The following LGSN variants were observed in gnomAD, a reference collection of about 807,000 sequenced individuals.
LGSN encodes the protein lengsin.
Under a neutral mutation model 19.5 loss-of-function variants are expected in LGSN, and 21 were observed. That is an observed-to-expected ratio of 1.07 (90% CI 0.76 to 1.55). LGSN has a LOEUF of 1.55. LGSN is among the 40% of genes most tolerant of loss of function. The pLI is 0.00. For missense variants in LGSN, 673 were observed against 608.5 expected (o/e 1.11, Z -1.12); for synonymous variants, 257 against 215.6 (o/e 1.19, Z -1.68).
the LGSN span, chr6:63,392,351 GC>G: frequency 3.3e-5 from 5 of 152,388 alleles, no homozygotes; most frequent in African/African-American, 1.2e-4. Context: ...CACAGCAGGG[GC>G]CCCTTCTGTA....
the LGSN span, among the ~76,000 whole-genome samples, chr6:63,361,563 C>T: frequency 1.3e-5 from 2 of 152,198 alleles, no homozygotes; most frequent in African/African-American, 4.8e-5. Flanking sequence ...TCACACCTTT[C>T]CTTGGCTAGG....
At chr6:63,356,081 C>T in the LGSN span, among the ~76,000 whole-genome samples, 1 of 152,152 alleles carries the variant, frequency 6.6e-6, no homozygotes, top group Non-Finnish European at 1.5e-5. Context: ...TTTATAAGGA[C>T]ACCGGTTATA....
At chr6:63,354,753 A>G in the LGSN span, among the ~76,000 whole-genome samples, 1 of 152,162 alleles carries the variant, frequency 6.6e-6, no homozygotes, top group South Asian at 2.1e-4. Flanking sequence ...TCAACAGATG[A>G]TTAAAGAAAA....
chr6:63,351,646 C>T, the LGSN span, among the ~76,000 whole-genome samples: 11 of 152,004 alleles, frequency 7.2e-5, no homozygotes, highest in African/African-American at 1.4e-4. Context: ...TTAGTAGAGA[C>T]GGGGTCTTCC....
the LGSN span, among the ~76,000 whole-genome samples, chr6:63,446,362 C>T: frequency 1.3e-5 from 2 of 151,268 alleles, no homozygotes; most frequent in African/African-American, 2.4e-5. Flanking sequence ...GTTTCTCAAA[C>T]ATACCAAGCA....
the LGSN span, among the ~76,000 whole-genome samples, chr6:63,372,634 A>G: frequency 2.6e-5 from 4 of 152,242 alleles, no homozygotes; most frequent in Non-Finnish European, 2.9e-5. Context: ...TTTAGAAAAT[A>G]TAAGAATACA....
chr6:63,338,190 C>T, the LGSN span, among the ~76,000 whole-genome samples: 32 of 152,232 alleles, frequency 2.1e-4, no homozygotes, highest in African/African-American at 7.0e-4. Flanking sequence ...CCAGCCAGAA[C>T]TCTGTAATAT....
chr6:63,456,795 G>T, the LGSN span, among the ~76,000 whole-genome samples: 1 of 152,064 alleles, frequency 6.6e-6, no homozygotes, highest in Non-Finnish European at 1.5e-5. Flanking sequence ...CATCAAAGCA[G>T]AGAAGGGAAG....
At chr6:63,383,371 TAC>T in the LGSN span, among the ~76,000 whole-genome samples, 18,065 of 138,276 alleles carry the variant, frequency 0.13, 2,068 homozygotes, top group African/African-American at 0.3. Flanking sequence ...AACCATTACT[TAC>T]ACACACACAC....
chr6:63,457,480 G>A, the LGSN span, among the ~76,000 whole-genome samples: 1 of 152,134 alleles, frequency 6.6e-6, no homozygotes, highest in Non-Finnish European at 1.5e-5. Flanking sequence ...ACTCCAGCCT[G>A]GGCAACAAAA....
At chr6:63,407,143 A>G in the LGSN span, among the ~76,000 whole-genome samples, 2 of 151,922 alleles carry the variant, frequency 1.3e-5, no homozygotes, top group African/African-American at 4.8e-5. Context: ...TATTCCAATC[A>G]ATAGAAAAAG....
chr6:63,343,092 C>A, the LGSN span, among the ~76,000 whole-genome samples: 5 of 152,100 alleles, frequency 3.3e-5, no homozygotes, highest in Admixed American at 6.6e-5. Flanking sequence ...TCCTTAATTG[C>A]AATAATGACT....
the LGSN span, among the ~76,000 whole-genome samples, chr6:63,386,356 A>G: frequency 6.6e-6 from 1 of 152,174 alleles, no homozygotes; most frequent in African/African-American, 2.4e-5. Flanking sequence ...GCCATTGAGA[A>G]TATCATTGAC....
the LGSN span, among the ~76,000 whole-genome samples, chr6:63,369,799 T>C: frequency 6.6e-6 from 1 of 151,914 alleles, no homozygotes; most frequent in Non-Finnish European, 1.5e-5. Flanking sequence ...AGCTCAGGAG[T>C]TGAGACTAGC....
chr6:63,515,234 T>C, the LGSN span, among the ~76,000 whole-genome samples: 1 of 151,892 alleles, frequency 6.6e-6, no homozygotes, highest in South Asian at 2.1e-4. Flanking sequence ...TGTTTGTTTG[T>C]TTGTTTGTTT....
the LGSN span, chr6:63,549,636 T>C: frequency 2.1e-6 from 1 of 474,842 alleles, no homozygotes; most frequent in Non-Finnish European, 3.7e-6. Flanking sequence ...CATACAAAAA[T>C]GGAATCCTGT....
At chr6:63,491,086 A>C in the LGSN span, among the ~76,000 whole-genome samples, 1 of 152,048 alleles carries the variant, frequency 6.6e-6, no homozygotes, top group African/African-American at 2.4e-5. Flanking sequence ...AACTACCCTC[A>C]TACACACATT....
the LGSN span, among the ~76,000 whole-genome samples, chr6:63,535,927 C>G: frequency 6.6e-6 from 1 of 152,206 alleles, no homozygotes; most frequent in Non-Finnish European, 1.5e-5. Flanking sequence ...CGTGCGCCAC[C>G]ATGCACAGCT....
chr6:63,358,694 C>G, the LGSN span, among the ~76,000 whole-genome samples: 44 of 152,280 alleles, frequency 2.9e-4, no homozygotes, highest in African/African-American at 9.6e-4. Context: ...TATGCTGAGA[C>G]TTTGCTGAAG....
Sources: gnomAD v4.1 joint callset for allele counts (sites outside exome capture counted in the v4.1 genomes callset) on GRCh38, gnomAD v4.1.1 for gene constraint, MANE v1.5 for transcripts, NCBI Gene and HGNC (gene_info 2026-07-23, HGNC 2026-07-21) for gene names.